Variants in CCAR1 observed in about 807,000 individuals in gnomAD.
CCAR1 encodes the protein cell division cycle and apoptosis regulator protein 1.
A neutral mutation model predicts 163.8 loss-of-function variants in CCAR1; 78 were observed. The ratio of observed to expected loss-of-function variants is 0.48; its 90% CI spans 0.40 to 0.57. The LOEUF is 0.57. CCAR1 is among the 20% of genes least tolerant of loss of function. The pLI, the probability that CCAR1 is intolerant of heterozygous loss-of-function variation, is 0.00. For missense variants in CCAR1, 1,019 were observed against 1,365.2 expected (o/e 0.75, Z 4.00); for synonymous variants, 443 against 460.7 (o/e 0.96, Z 0.49).
chr10:68,731,511 C>G lies in CCAR1; in HGVS notation c.74-5365C>G, dbSNP rs74915775. Reference sequence around the variant, plus strand: ...TACCTGGTAGTGTGAAGCAACTACTCTACTGCAATGTAAATTATCTTCCTA... The same window carrying G: ...TACCTGGTAGTGTGAAGCAACTACTGTACTGCAATGTAAATTATCTTCCTA... On this transcript the variant is annotated intron_variant, in intron 2 of 24. Transcript: ENST00000265872. Among the ~76,000 whole-genome samples the G allele has an allele frequency of 5.6e-3, 849 of 151,322 alleles. 6 individuals are homozygous for G. The highest frequency in any genetic ancestry group is 0.02 in the African/African-American group (808 of 41,190).
intron 24 of CCAR1, among the ~76,000 whole-genome samples, chr10:68,790,222 T>C (rs971797643): frequency 2.6e-5 from 4 of 151,924 alleles, no homozygotes; most frequent in Non-Finnish European, 2.9e-5. Flanking sequence ...CCAGACATGG[T>C]GGCGGGCACC....
At chr10:68,749,740 T>C in intron 10 of CCAR1, 55 bp downstream of exon 10, 1 of 1,446,706 alleles carries the variant, frequency 6.9e-7, no homozygotes, top group South Asian at 1.2e-5. Flanking sequence ...TATAATTTGA[T>C]AGAATATGTC....
chr10:68,764,042 T>G (rs1204805426), intron 16 of CCAR1, among the ~76,000 whole-genome samples: 1 of 152,200 alleles, frequency 6.6e-6, no homozygotes, highest in Non-Finnish European at 1.5e-5. Flanking sequence ...ATATGGAAGA[T>G]AGATATATAG....
chr10:68,735,998 G>T (rs1007255995), intron 2 of CCAR1, among the ~76,000 whole-genome samples: 1 of 151,958 alleles, frequency 6.6e-6, no homozygotes, highest in Non-Finnish European at 1.5e-5. Context: ...TACTACAGGC[G>T]TGTGTCACCA....
At chr10:68,744,469 C>T (rs1408986660) in intron 6 of CCAR1, among the ~76,000 whole-genome samples, 2 of 152,032 alleles carry the variant, frequency 1.3e-5, no homozygotes, top group Non-Finnish European at 2.9e-5. Context: ...CTCTAAGACG[C>T]AAAAATATTA....
chr10:68,749,099 A>G, intron 8 of CCAR1, 37 bp from the exon 9 acceptor site: 4 of 1,612,710 alleles, frequency 2.5e-6, no homozygotes, highest in Middle Eastern at 1.7e-4. Context: ...AACTTTGTTT[A>G]GACACGCTAA....
intron 15 of CCAR1, among the ~76,000 whole-genome samples, chr10:68,760,169 A>G (rs77492819): frequency 9.9e-5 from 15 of 151,964 alleles, no homozygotes; most frequent in African/African-American, 3.4e-4. Context: ...TTATTTACTT[A>G]ACTTTTAGAG....
intron 23 of CCAR1, 29 bp downstream of exon 23, chr10:68,788,357 C>CT (rs2056818294): frequency 1.4e-6 from 2 of 1,477,008 alleles, no homozygotes; most frequent in Non-Finnish European, 1.8e-6. Context: ...TATGTTAATA[C>CT]TTTCAGCACC....
intron 19 of CCAR1, among the ~76,000 whole-genome samples, chr10:68,784,787 A>G (rs968917368): frequency 6.6e-6 from 1 of 152,152 alleles, no homozygotes; most frequent in Non-Finnish European, 1.5e-5. Context: ...CTTTACCAGC[A>G]AAAGGATTAC....
At chr10:68,754,393 C>T (rs544870594) in intron 11 of CCAR1, among the ~76,000 whole-genome samples, 1 of 152,168 alleles carries the variant, frequency 6.6e-6, no homozygotes, top group Non-Finnish European at 1.5e-5. Flanking sequence ...GATGAATGCA[C>T]TAAATGTCAA....
At chr10:68,769,616 A>G (rs1440658733) in intron 17 of CCAR1, among the ~76,000 whole-genome samples, 1 of 151,152 alleles carries the variant, frequency 6.6e-6, no homozygotes, top group Admixed American at 6.6e-5. Flanking sequence ...GTGAAACTCC[A>G]TCTCAAAGAA....
At chr10:68,729,921 A>G (rs1319306683) in intron 2 of CCAR1, among the ~76,000 whole-genome samples, 2 of 20,036 alleles carry the variant, frequency 1.0e-4, no homozygotes, top group Non-Finnish European at 1.5e-4. Context: ...AAGATGACTC[A>G]CTTTTTTTTT....
intron 15 of CCAR1, among the ~76,000 whole-genome samples, 165 bp downstream of exon 15, chr10:68,757,542 G>A (rs377255009): frequency 1.9e-4 from 29 of 151,976 alleles, no homozygotes; most frequent in East Asian, 1.4e-3. Flanking sequence ...AGCCTCCTGA[G>A]TAGCTGGGAT....
At chr10:68,773,767 T>A (rs1398173427) in intron 19 of CCAR1, among the ~76,000 whole-genome samples, 1 of 152,010 alleles carries the variant, frequency 6.6e-6, no homozygotes, top group South Asian at 2.1e-4. Flanking sequence ...GCTGGAGTAC[T>A]GTGGCATGCT....
chr10:68,775,687 C>CTTTTTTTTTTTTT (rs71028782), intron 19 of CCAR1, among the ~76,000 whole-genome samples: 1 of 51,762 alleles, frequency 1.9e-5, no homozygotes, highest in Non-Finnish European at 3.2e-5. Flanking sequence ...TTTTTCTTTT[C>CTTTTTTTTTTTTT]TTTTTTTTTT....
chr10:68,721,699 A>G, intron 1 of CCAR1: 1 of 371,074 alleles, frequency 2.7e-6, no homozygotes, highest in South Asian at 1.8e-5. Context: ...CTCGGGAGCC[A>G]TCGAGTGTCG....
At chr10:68,729,083 T>G (rs887160566) in intron 2 of CCAR1, among the ~76,000 whole-genome samples, 3 of 152,206 alleles carry the variant, frequency 2.0e-5, no homozygotes, top group Admixed American at 1.3e-4. Flanking sequence ...TTAGTGTGAC[T>G]GAGGAACTGA....
At chr10:68,739,081 C>G (rs1009295652) in intron 4 of CCAR1, among the ~76,000 whole-genome samples, 27 of 152,178 alleles carry the variant, frequency 1.8e-4, no homozygotes, top group Non-Finnish European at 8.8e-5. Context: ...TAGGAACTGT[C>G]AAGGAAAGAG....
Position 68,754,589 on chromosome 10 carries a change from A to G in CCAR1, c.1345-125A>G, listed in dbSNP as rs1022741778. ...TGAGGTATCTAATACTGTTTCTGCT[A>G]TAGTATTACTTCCTATTTTTATTTA... On this transcript the variant is annotated intron_variant, in intron 11 of 24. Coordinates refer to ENST00000265872, the MANE Select transcript of CCAR1 (RefSeq NM_018237.4). The G allele has an allele frequency of 1.0e-5, 6 of 584,420 alleles. No individual in the cohort carries two copies. The East Asian group carries it at 1.4e-4, about 14-fold the overall frequency. 36.2% of individuals were successfully genotyped at this position (584,420 alleles called of 1,614,324 possible).
Sources: allele counts gnomAD v4.1 joint callset (sites outside exome capture counted in the v4.1 genomes callset), GRCh38; gene constraint gnomAD v4.1.1; transcripts MANE v1.5; gene names NCBI Gene and HGNC (gene_info 2026-07-23, HGNC 2026-07-21).